ATP13A4: variants seen among roughly 807,000 people sequenced by gnomAD.
ATP13A4 encodes the protein probable cation-transporting ATPase 13A4.
In ATP13A4, 114 loss-of-function variants were observed where a neutral mutation model predicts 142.5. The ratio of observed to expected loss-of-function variants is 0.80; its 90% CI spans 0.69 to 0.93. ATP13A4 has a LOEUF of 0.93. Among genes scored for constraint, ATP13A4 ranks in the 40% least tolerant of loss-of-function variants. The pLI, the probability that ATP13A4 is intolerant of heterozygous loss-of-function variation, is 0.00. For synonymous variants in ATP13A4, 488 were observed against 514.8 expected (o/e 0.95, Z 0.70); for missense variants, 1,392 against 1,454.0 (o/e 0.96, Z 0.69).
At chr3:193,526,508 G>C (rs902766388) in intron 1 of ATP13A4, among the ~76,000 whole-genome samples, 1 of 151,970 alleles carries the variant, frequency 6.6e-6, no homozygotes, top group East Asian at 1.9e-4. Flanking sequence ...ATACGTGCAG[G>C]GCTTAAAACC....
At chr3:193,462,893 C>T in intron 12 of ATP13A4, 70 bp from the exon 13 acceptor site, 3 of 1,498,898 alleles carry the variant, frequency 2.0e-6, no homozygotes, top group African/African-American at 2.8e-5. Context: ...GCCTGTAATC[C>T]CAGCACTACG....
At chr3:193,456,411 AG>A (rs1328904940) in intron 16 of ATP13A4, among the ~76,000 whole-genome samples, 3 of 152,152 alleles carry the variant, frequency 2.0e-5, no homozygotes, top group Admixed American at 1.3e-4. Flanking sequence ...TTAGGCATGG[AG>A]GCATGAGAGT....
intron 1 of ATP13A4, among the ~76,000 whole-genome samples, chr3:193,530,805 G>T (rs1722272479): frequency 6.6e-6 from 1 of 152,090 alleles, no homozygotes; most frequent in African/African-American, 2.4e-5. Context: ...GAATGGTTAG[G>T]CACATACTTA....
chr3:193,472,870 G>C (rs1453032927), intron 8 of ATP13A4, among the ~76,000 whole-genome samples: 1 of 152,126 alleles, frequency 6.6e-6, no homozygotes, highest in Non-Finnish European at 1.5e-5. Context: ...GTTACAAATA[G>C]AGAAAGAGAT....
At chr3:193,468,834 A>G (rs1718454798) in intron 9 of ATP13A4, among the ~76,000 whole-genome samples, 1 of 152,252 alleles carries the variant, frequency 6.6e-6, no homozygotes, top group African/African-American at 2.4e-5. Flanking sequence ...GAAATTTACA[A>G]TGACTTTCTA....
At chr3:193,486,085 AAATT>A (rs1276594195) in intron 7 of ATP13A4, among the ~76,000 whole-genome samples, 8 of 150,088 alleles carry the variant, frequency 5.3e-5, no homozygotes, top group Admixed American at 1.3e-4. Flanking sequence ...TTATTATTTT[AAATT>A]AATTAATAAA....
intron 3 of ATP13A4, among the ~76,000 whole-genome samples, chr3:193,499,071 C>T (rs761857253): frequency 6.6e-6 from 1 of 152,182 alleles, no homozygotes; most frequent in Non-Finnish European, 1.5e-5. Flanking sequence ...TGTACAGGTA[C>T]ACATGTGCAC....
intron 3 of ATP13A4, among the ~76,000 whole-genome samples, chr3:193,501,416 C>T (rs1720532530): frequency 6.6e-6 from 1 of 151,840 alleles, no homozygotes; most frequent in Non-Finnish European, 1.5e-5. Context: ...GGTGAAATTC[C>T]GTCTCTACTG....
At chr3:193,546,931 G>A (rs941133693) in intron 1 of ATP13A4, among the ~76,000 whole-genome samples, 1 of 152,168 alleles carries the variant, frequency 6.6e-6, no homozygotes, top group African/African-American at 2.4e-5. Context: ...ACTTGGCTCA[G>A]ATCAATCACC....
intron 1 of ATP13A4, among the ~76,000 whole-genome samples, chr3:193,543,028 T>C (rs1490987973): frequency 6.6e-6 from 1 of 150,874 alleles, no homozygotes; most frequent in Non-Finnish European, 1.5e-5. Context: ...ATTAGCCGGG[T>C]GTGGTGGTGG....
At chr3:193,449,862 G>A (rs1717170121) in intron 17 of ATP13A4, among the ~76,000 whole-genome samples, 1 of 152,146 alleles carries the variant, frequency 6.6e-6, no homozygotes, top group Admixed American at 6.5e-5. Context: ...GCTCATGCCT[G>A]TAATCCCAGC....
intron 1 of ATP13A4, among the ~76,000 whole-genome samples, chr3:193,538,840 G>C (rs1387105699): frequency 6.6e-6 from 1 of 151,396 alleles, no homozygotes; most frequent in East Asian, 1.9e-4. Context: ...GGAGGCAGAA[G>C]CAATATGCAG....
chr3:193,461,124 G>A (rs994934454), intron 13 of ATP13A4, among the ~76,000 whole-genome samples: 1 of 152,104 alleles, frequency 6.6e-6, no homozygotes, highest in African/African-American at 2.4e-5. Context: ...GGAAGGGAGG[G>A]AAATGAATCA....
intron 3 of ATP13A4, among the ~76,000 whole-genome samples, chr3:193,493,416 G>T (rs1016285420): frequency 6.6e-6 from 1 of 152,040 alleles, no homozygotes; most frequent in Non-Finnish European, 1.5e-5. Context: ...CTTAGTCTCT[G>T]CATTCTACTA....
At chr3:193,590,268 G>C (rs1424076953) in intron 1 of ATP13A4, among the ~76,000 whole-genome samples, 1 of 152,116 alleles carries the variant, frequency 6.6e-6, no homozygotes, top group Non-Finnish European at 1.5e-5. Context: ...GATTGGTTGG[G>C]GATGAAATAA....
At chr3:193,475,019 GAATC>G (rs1718885970) in intron 8 of ATP13A4, among the ~76,000 whole-genome samples, 1 of 152,002 alleles carries the variant, frequency 6.6e-6, no homozygotes, top group African/African-American at 2.4e-5. Flanking sequence ...AGGCTGCGAG[GAATC>G]AGTCACTGAC....
chr3:193,525,264 A>T (rs764445733), intron 1 of ATP13A4, among the ~76,000 whole-genome samples: 8 of 152,162 alleles, frequency 5.3e-5, no homozygotes, highest in Non-Finnish European at 1.2e-4. Context: ...ATCTAGTCGA[A>T]CTCATCATTT....
At chr3:193,430,471 T>C (rs546897724) in intron 25 of ATP13A4, among the ~76,000 whole-genome samples, 1 of 152,240 alleles carries the variant, frequency 6.6e-6, no homozygotes, top group African/African-American at 2.4e-5. Flanking sequence ...AAGATAAATA[T>C]AGTAACTTCA....
At chr3:193,485,308 A>G (rs1719541077) in intron 7 of ATP13A4, among the ~76,000 whole-genome samples, 3 of 151,508 alleles carry the variant, frequency 2.0e-5, no homozygotes, top group Non-Finnish European at 4.4e-5. Context: ...CAGCAGTTAC[A>G]CGTACAGGTG....
Sources: allele counts gnomAD v4.1 joint callset (sites outside exome capture counted in the v4.1 genomes callset), GRCh38; gene constraint gnomAD v4.1.1; transcripts MANE v1.5; gene names NCBI Gene and HGNC (gene_info 2026-07-23, HGNC 2026-07-21).